PACRG: variants seen among roughly 807,000 people sequenced by gnomAD.
PACRG encodes parkin coregulated, also known as parkin coregulated gene protein.
PACRG carries 29 observed loss-of-function variants against 29.7 expected under a neutral mutation model. The ratio of observed to expected loss-of-function variants is 0.98; its 90% CI spans 0.73 to 1.33. PACRG has a LOEUF of 1.33. Ranked by LOEUF, PACRG falls within the 40% of genes most tolerant of loss-of-function variation. The pLI is 0.00. For missense variants in PACRG, 279 were observed against 316.2 expected (o/e 0.88, Z 0.89); for synonymous variants, 116 against 118.7 (o/e 0.98, Z 0.15).
At chr6:163,283,661 C>T (rs989916242) in intron 4 of PACRG, among the ~76,000 whole-genome samples, 1 of 151,110 alleles carries the variant, frequency 6.6e-6, no homozygotes, top group Non-Finnish European at 1.5e-5. Flanking sequence ...ATTAGCCGGG[C>T]GCGGTGGCGG....
chr6:162,814,031 T>G, intron 1 of PACRG, 116 bp from the exon 2 acceptor site: 2 of 1,151,868 alleles, frequency 1.7e-6, no homozygotes, highest in African/African-American at 1.6e-5. Context: ...ATAATGTGTT[T>G]TTATCTTCCA....
At chr6:162,997,906 A>G (rs1170504604) in intron 2 of PACRG, among the ~76,000 whole-genome samples, 1 of 152,128 alleles carries the variant, frequency 6.6e-6, no homozygotes, top group Non-Finnish European at 1.5e-5. Context: ...TGTAGTCTGG[A>G]TGCTAATTCC....
At chr6:162,773,383 G>T (rs189501688) in intron 1 of PACRG, among the ~76,000 whole-genome samples, 1 of 150,086 alleles carries the variant, frequency 6.7e-6, no homozygotes, top group Admixed American at 6.7e-5. Context: ...TAAGTAGCAC[G>T]AATACTTTAA....
intron 3 of PACRG, among the ~76,000 whole-genome samples, chr6:163,074,459 A>G (rs1336694407): frequency 2.0e-5 from 3 of 152,116 alleles, no homozygotes; most frequent in Non-Finnish European, 4.4e-5. Context: ...AGGTACAAAA[A>G]ATAGTTAGAA....
At chr6:162,945,142 C>A (rs1282498865) in intron 2 of PACRG, among the ~76,000 whole-genome samples, 1 of 151,956 alleles carries the variant, frequency 6.6e-6, no homozygotes, top group Admixed American at 6.5e-5. Flanking sequence ...AAAGTGACAG[C>A]AATAAGCCTT....
intron 2 of PACRG, among the ~76,000 whole-genome samples, chr6:162,970,467 G>A (rs954429157): frequency 8.5e-5 from 13 of 152,144 alleles, no homozygotes; most frequent in Admixed American, 4.6e-4. Flanking sequence ...CCCGGCTATC[G>A]ATGAAGAAAC....
chr6:162,817,828 C>T (rs1042879843), intron 2 of PACRG, among the ~76,000 whole-genome samples: 1 of 152,024 alleles, frequency 6.6e-6, no homozygotes, highest in East Asian at 1.9e-4. Context: ...AAAAACGGGA[C>T]TCATCTGTGG....
At chr6:162,912,706 G>A (rs1384381834) in intron 2 of PACRG, among the ~76,000 whole-genome samples, 1 of 151,474 alleles carries the variant, frequency 6.6e-6, no homozygotes, top group Non-Finnish European at 1.5e-5. Flanking sequence ...CAAGTAGCTG[G>A]GATTACAGGC....
intron 4 of PACRG, among the ~76,000 whole-genome samples, chr6:163,206,732 ACT>A (rs1482319599): frequency 6.6e-6 from 1 of 152,156 alleles, no homozygotes; most frequent in Non-Finnish European, 1.5e-5. Flanking sequence ...TATTTCTCAG[ACT>A]CTTGGAGAAG....
At position 162,853,306 on chromosome 6, in the gene PACRG, T is replaced by A. The variant is rs1316903835; in HGVS notation, c.291+39025T>A. ...AAATCTCTGCTCCAGAATGGCTTGA[T>A]CTCCTTGGAGATCAGGCAGAAAATT... On this transcript the variant is annotated intron_variant, in intron 2 of 4. Transcript: ENST00000366888. The surrounding 1 kb of genome is among the most constrained non-coding windows in gnomAD (Gnocchi z 4.7). Among the ~76,000 whole-genome samples, 2 of 152,202 alleles carry A rather than the reference T, an allele frequency of 1.3e-5. No individual in the cohort carries two copies. Among genetic ancestry groups the A allele is most frequent in the Non-Finnish European group, 2.9e-5 (2 of 68,042 alleles).
At chr6:163,043,568 A>G (rs1238016867) in intron 2 of PACRG, among the ~76,000 whole-genome samples, 1 of 152,090 alleles carries the variant, frequency 6.6e-6, no homozygotes, top group East Asian at 1.9e-4. Flanking sequence ...AAAAATCATC[A>G]GTTCGAGACT....
At chr6:163,059,875 A>G (rs1810947956) in intron 2 of PACRG, among the ~76,000 whole-genome samples, 2 of 152,216 alleles carry the variant, frequency 1.3e-5, no homozygotes, top group Non-Finnish European at 2.9e-5. Flanking sequence ...CCCAAAACAT[A>G]TAAAGAAAAA....
intron 3 of PACRG, among the ~76,000 whole-genome samples, chr6:163,075,826 A>G (rs1812485984): frequency 6.6e-6 from 1 of 152,228 alleles, no homozygotes; most frequent in South Asian, 2.1e-4. Context: ...GGCTTAAAAC[A>G]ATACATTACT....
chr6:162,881,878 T>A (rs1369237594), intron 2 of PACRG, among the ~76,000 whole-genome samples: 2 of 126,404 alleles, frequency 1.6e-5, no homozygotes, highest in African/African-American at 6.2e-5. Context: ...CAGGGGGCGC[T>A]CTCCACCAAG....
intron 2 of PACRG, among the ~76,000 whole-genome samples, chr6:162,917,337 G>C (rs1421640964): frequency 6.6e-6 from 1 of 152,122 alleles, no homozygotes; most frequent in Admixed American, 6.6e-5. Context: ...GCCATCCTTA[G>C]TGCATTTTGC....
chr6:163,096,638 T>G (rs1357340659), intron 4 of PACRG, among the ~76,000 whole-genome samples: 2 of 152,180 alleles, frequency 1.3e-5, no homozygotes, highest in Non-Finnish European at 2.9e-5. Flanking sequence ...CTCATTGACT[T>G]GCAGAGAACT....
At chr6:162,932,423 AAC>A (rs775940005) in intron 2 of PACRG, among the ~76,000 whole-genome samples, 15 of 152,100 alleles carry the variant, frequency 9.9e-5, no homozygotes, top group South Asian at 4.1e-4. Flanking sequence ...AGCTTCTAAA[AAC>A]ACACAATTTT....
At chr6:162,800,567 T>C (rs1785771176) in intron 1 of PACRG, among the ~76,000 whole-genome samples, 1 of 152,194 alleles carries the variant, frequency 6.6e-6, no homozygotes, top group African/African-American at 2.4e-5. Context: ...CAAGTGGACC[T>C]GAAAGAATCT....
intron 2 of PACRG, among the ~76,000 whole-genome samples, chr6:162,990,016 A>G (rs1215019881): frequency 6.7e-6 from 1 of 149,962 alleles, no homozygotes. Context: ...GCGATAGTTT[A>G]CTGAGAATGA....
Sources: allele counts gnomAD v4.1 joint callset (sites outside exome capture counted in the v4.1 genomes callset), GRCh38; gene constraint gnomAD v4.1.1; non-coding constraint Gnocchi (gnomAD v3.1); transcripts MANE v1.5; gene names NCBI Gene and HGNC (gene_info 2026-07-23, HGNC 2026-07-21).